Variants in SRGAP2 observed in about 807,000 individuals in gnomAD.
SRGAP2 encodes the protein SLIT-ROBO Rho GTPase-activating protein 2.
A neutral mutation model predicts 57.2 loss-of-function variants in SRGAP2; 15 were observed. The ratio of observed to expected loss-of-function variants is 0.26; its 90% CI spans 0.18 to 0.40. The LOEUF is 0.40. Ranked by LOEUF, SRGAP2 falls within the 10% of genes least tolerant of loss-of-function variation. The probability of loss-of-function intolerance (pLI) is 1.00; values close to 1 mark genes in which losing one functional copy is unlikely to be tolerated. For missense variants in SRGAP2, 520 were observed against 669.6 expected (o/e 0.78, Z 2.47); for synonymous variants, 249 against 248.0 (o/e 1.00, Z -0.04).
intron 12 of SRGAP2, 55 bp from the exon 13 acceptor site, chr1:206,421,194 CT>C: frequency 1.3e-6 from 1 of 751,422 alleles, no homozygotes; most frequent in Non-Finnish European, 2.5e-6. Context: ...CCAATTTTCT[CT>C]TTTTCTCCCT....
At chr1:206,369,631 G>A (rs1406438025) in intron 4 of SRGAP2, among the ~76,000 whole-genome samples, 1 of 152,092 alleles carries the variant, frequency 6.6e-6, no homozygotes, top group Admixed American at 6.5e-5. Flanking sequence ...TACACAAATG[G>A]CCAACAAGCA....
rs182864107 is a variant in SRGAP2, at chr1:206,443,387, T to C, written c.1875-2688T>C. Among the ~76,000 whole-genome samples the C allele has an allele frequency of 4.6e-5, 7 of 152,340 alleles. No individual in the cohort carries two copies. In the East Asian group the frequency reaches 1.3e-3, roughly 29 times the overall value. ...TTGTTTGTTTGTTTTTGTTTGTTTG[T>C]TTTTGAGATGGAGTTTTGCTCTTGT... On this transcript the variant is annotated intron_variant, in intron 17 of 22. Coordinates refer to ENST00000573034, the MANE Select transcript of SRGAP2 (RefSeq NM_015326.5).
At chr1:206,354,287 A>G (rs1676266160) in intron 4 of SRGAP2, among the ~76,000 whole-genome samples, 3 of 152,172 alleles carry the variant, frequency 2.0e-5, no homozygotes, top group Admixed American at 1.3e-4. Context: ...AGGCTATTAA[A>G]TTACTGGTTG....
At chr1:206,279,639 G>A (rs1410608074) in intron 2 of SRGAP2, among the ~76,000 whole-genome samples, 3 of 139,152 alleles carry the variant, frequency 2.2e-5, no homozygotes, top group South Asian at 2.4e-4. Flanking sequence ...GGCTGGTCTC[G>A]AACCCCTGGA....
intron 14 of SRGAP2, among the ~76,000 whole-genome samples, chr1:206,432,199 G>C (rs1212045399): frequency 1.2e-4 from 18 of 152,226 alleles, no homozygotes; most frequent in African/African-American, 4.3e-4. Context: ...TTGCTGAAAA[G>C]TGGGCAGGTT....
At chr1:206,303,886 T>TCACA (rs1376040852) in intron 3 of SRGAP2, among the ~76,000 whole-genome samples, 18 of 132,946 alleles carry the variant, frequency 1.4e-4, no homozygotes, top group African/African-American at 5.9e-4. Flanking sequence ...TCTCTCTCTC[T>TCACA]CTCACACACA....
intron 2 of SRGAP2, among the ~76,000 whole-genome samples, chr1:206,279,605 G>T (rs1670613896): frequency 8.0e-6 from 1 of 124,596 alleles, no homozygotes; most frequent in Admixed American, 7.8e-5. Flanking sequence ...TTTTTGTAGA[G>T]ACAAGGTCTC....
chr1:206,377,671 GTTAGA>G (rs1204732941), intron 4 of SRGAP2, among the ~76,000 whole-genome samples: 1 of 22,212 alleles, frequency 4.5e-5, no homozygotes, highest in African/African-American at 1.9e-4. Context: ...GGGCCCAGAC[GTTAGA>G]TTAATGTCCA....
intron 18 of SRGAP2, among the ~76,000 whole-genome samples, chr1:206,449,926 G>T (rs1360053726): frequency 2.0e-5 from 3 of 152,174 alleles, no homozygotes; most frequent in Non-Finnish European, 4.4e-5. Flanking sequence ...GGCAGCTGAG[G>T]CTTAAGGAGA....
chr1:206,421,755 G>A (rs1421697377), intron 13 of SRGAP2, among the ~76,000 whole-genome samples: 1 of 152,158 alleles, frequency 6.6e-6, no homozygotes, highest in Admixed American at 6.5e-5. Flanking sequence ...ATTAAGTCTG[G>A]TCTAGGAACG....
intron 2 of SRGAP2, among the ~76,000 whole-genome samples, chr1:206,218,063 C>A (rs1221394528): frequency 1.3e-5 from 2 of 151,752 alleles, no homozygotes; most frequent in African/African-American, 2.4e-5. Context: ...AATCCCAGCA[C>A]TTTGGGAGGC....
rs573796642 is a variant in SRGAP2 at position 206,420,156 on chromosome 1, C to T, written c.1469+756C>T. Among the ~76,000 whole-genome samples the T allele has an allele frequency of 9.9e-5, 15 of 152,248 alleles. No individual in the cohort carries two copies. The South Asian group carries it at 2.9e-3, about 29-fold the overall frequency. ...ACTCCTTAGAGACCCTGGGTTAGCC[C>T]ATTATATCAACCACTTATATCTGCC... On this transcript the variant is annotated intron_variant, in intron 12 of 22. Coordinates refer to ENST00000573034, the MANE Select transcript of SRGAP2 (RefSeq NM_015326.5).
At chr1:206,428,532 C>T (rs1661012173) in intron 13 of SRGAP2, among the ~76,000 whole-genome samples, 1 of 152,018 alleles carries the variant, frequency 6.6e-6, no homozygotes, top group Admixed American at 6.5e-5. Flanking sequence ...GCCTAGGGTG[C>T]AGTATGGGTA....
At chr1:206,303,877 C>CAT (rs1672017745) in intron 3 of SRGAP2, among the ~76,000 whole-genome samples, 1 of 49,400 alleles carries the variant, frequency 2.0e-5, no homozygotes, top group East Asian at 5.9e-4. Context: ...CTGTCTCTCT[C>CAT]TCTCTCTCTC....
chr1:206,408,963 AT>A (rs2103179319), intron 10 of SRGAP2, among the ~76,000 whole-genome samples: 1 of 147,686 alleles, frequency 6.8e-6, no homozygotes, highest in South Asian at 2.2e-4. Context: ...GCCTGAGTTC[AT>A]CATTTTTGTG....
At chr1:206,395,598 A>G (rs1242840944) in intron 7 of SRGAP2, among the ~76,000 whole-genome samples, 5 of 151,402 alleles carry the variant, frequency 3.3e-5, no homozygotes, top group African/African-American at 1.2e-4. Context: ...CATTTGGTAA[A>G]AATTCAGACT....
chr1:206,318,936 C>T (rs1244014034), intron 3 of SRGAP2, among the ~76,000 whole-genome samples: 2 of 151,950 alleles, frequency 1.3e-5, no homozygotes, highest in African/African-American at 4.8e-5. Context: ...ACATCCAAAC[C>T]ATATCACATA....
chr1:206,249,518 T>C (rs529988475), intron 2 of SRGAP2, among the ~76,000 whole-genome samples: 18 of 151,462 alleles, frequency 1.2e-4, no homozygotes, highest in African/African-American at 4.1e-4. Flanking sequence ...CCACATGTTC[T>C]CACTCATAAG....
chr1:206,452,885 CAAAAA>C (rs1166978056), intron 19 of SRGAP2, among the ~76,000 whole-genome samples: 1 of 62,118 alleles, frequency 1.6e-5, no homozygotes, highest in African/African-American at 7.2e-5. Context: ...GACTCCATCC[CAAAAA>C]AAAAAAAAAA....
Sources: allele counts gnomAD v4.1 joint callset (sites outside exome capture counted in the v4.1 genomes callset), GRCh38; gene constraint gnomAD v4.1.1; transcripts MANE v1.5; gene names NCBI Gene and HGNC (gene_info 2026-07-23, HGNC 2026-07-21).